Variants in KANSL3 observed in about 807,000 individuals in gnomAD.
KANSL3 encodes the protein NSL complex protein NSL3.
Under a neutral mutation model 89.2 loss-of-function variants are expected in KANSL3, and 16 were observed. The ratio of observed to expected loss-of-function variants is 0.18; its 90% confidence interval spans 0.12 to 0.27. KANSL3 has a LOEUF of 0.27. Ranked by LOEUF, KANSL3 falls within the 10% of genes least tolerant of loss-of-function variation. The pLI is 1.00. For synonymous variants in KANSL3, 385 were observed against 419.7 expected (o/e 0.92, Z 1.01); for missense variants, 879 against 1,110.6 (o/e 0.79, Z 2.96).
intron 13 of KANSL3, 55 bp downstream of exon 13, chr2:96,608,809 C>T: frequency 2.0e-6 from 3 of 1,514,632 alleles, no homozygotes; most frequent in Non-Finnish European, 2.7e-6. Flanking sequence ...AATTAAGGAA[C>T]CAACTCTGTG....
chr2:96,619,248 G>C (rs1353940948), intron 5 of KANSL3, 111 bp downstream of exon 5: 2 of 896,920 alleles, frequency 2.2e-6, no homozygotes, highest in Non-Finnish European at 1.6e-6. Flanking sequence ...CATTAGTTTT[G>C]GCCATGCACT....
intron 20 of KANSL3, among the ~76,000 whole-genome samples, chr2:96,596,687 G>T (rs368874266): frequency 6.6e-6 from 1 of 152,224 alleles, no homozygotes; most frequent in African/African-American, 2.4e-5. Context: ...CCCAAAGGCA[G>T]GGCTGTACAC....
At chr2:96,612,794 A>G in intron 7 of KANSL3, 24 bp downstream of exon 7, 1 of 1,501,426 alleles carries the variant, frequency 6.7e-7, no homozygotes, top group Non-Finnish European at 9.1e-7. Context: ...GCCAGGAAGG[A>G]GTTCCTCTTG....
downstream of KANSL3, among the ~76,000 whole-genome samples, chr2:96,589,919 C>T (rs886297449): frequency 6.6e-5 from 10 of 151,362 alleles, no homozygotes; most frequent in Non-Finnish European, 1.5e-4. Context: ...GAGGCTGAGG[C>T]GGGTGGATTA....
At chr2:96,595,773 G>T in intron 20 of KANSL3, 142 bp from the exon 21 acceptor site, 1 of 960,098 alleles carries the variant, frequency 1.0e-6, no homozygotes, top group Non-Finnish European at 1.6e-6. Flanking sequence ...GGATACACAA[G>T]GACACATGTT....
intron 5 of KANSL3, among the ~76,000 whole-genome samples, chr2:96,617,938 G>A (rs1304171351): frequency 6.7e-6 from 1 of 149,890 alleles, no homozygotes; most frequent in Non-Finnish European, 1.5e-5. Flanking sequence ...AGCCGAGATC[G>A]TGCCACTGCA....
At chr2:96,606,336 T>C (rs1037861606) in intron 14 of KANSL3, 3 of 152,644 alleles carry the variant, frequency 2.0e-5, no homozygotes, top group African/African-American at 7.2e-5. Flanking sequence ...TTTTGGACTC[T>C]TAGGTTATCT....
intron 3 of KANSL3, chr2:96,627,842 T>C (rs2072654639): frequency 1.5e-5 from 17 of 1,127,086 alleles, no homozygotes; most frequent in Non-Finnish European, 2.0e-5. Flanking sequence ...AGGGACAGGG[T>C]CATAAAATGG....
Position 96,637,126 on chromosome 2 carries a change from G to A in KANSL3, c.10C>T (p.Arg4Trp), listed in dbSNP as rs1168448660. 3.2e-6 allele frequency: 5 copies of A among 1,550,924 alleles called. No homozygotes were observed. The highest frequency in any genetic ancestry group is 2.0e-5 in the Admixed American group (1 of 50,944). The stretch of plus-strand genomic sequence containing the variant: ...GTCTGGAAGTCCCTCTCCCCACCCC[G>A]GTGGGCCATGTCAGTGGAGGGGCAG... MAH[R>W]GGERDFQTSA... Residue 4 changes from arginine (R) to tryptophan (W), a missense_variant, in exon 2 of 21, where the codon CGG (arginine) becomes TGG (tryptophan). Physicochemically the swap from Arg to Trp is moderately radical, Grantham distance 101. Transcript: ENST00000431828.
At chr2:96,627,237 C>T (rs1438952734) in intron 3 of KANSL3, among the ~76,000 whole-genome samples, 3 of 150,748 alleles carry the variant, frequency 2.0e-5, no homozygotes, top group Non-Finnish European at 3.0e-5. Flanking sequence ...TTTTTTGAGA[C>T]GGAGTCTTGC....
chr2:96,605,275 C>A (rs766177335), intron 15 of KANSL3, 45 bp downstream of exon 15: 5 of 1,537,172 alleles, frequency 3.3e-6, no homozygotes, highest in Non-Finnish European at 4.4e-6. Flanking sequence ...ATGCTGTGTA[C>A]CTGAGAGAGC....
chr2:96,599,961 T>C (rs1212197007), intron 20 of KANSL3, among the ~76,000 whole-genome samples: 1 of 152,192 alleles, frequency 6.6e-6, no homozygotes, highest in African/African-American at 2.4e-5. Context: ...CCTCTACTTA[T>C]TCTCTGGCCT....
the KANSL3 span, among the ~76,000 whole-genome samples, chr2:96,581,018 C>G: frequency 6.6e-6 from 1 of 152,386 alleles, no homozygotes; most frequent in Non-Finnish European, 1.5e-5. Flanking sequence ...CAACCAGCGG[C>G]TGTGCAGCCC....
downstream of KANSL3, among the ~76,000 whole-genome samples, chr2:96,591,062 A>C (rs1204049693): frequency 6.6e-6 from 1 of 152,244 alleles, no homozygotes; most frequent in Non-Finnish European, 1.5e-5. Context: ...CTTTATCTGT[A>C]ATAGCCCCCA....
At chr2:96,609,465 C>A (rs1225642734) in intron 12 of KANSL3, 34 bp downstream of exon 12, 7 of 1,602,620 alleles carry the variant, frequency 4.4e-6, no homozygotes, top group Non-Finnish European at 6.0e-6. Context: ...AAAGGCAAGC[C>A]TAGCTGAGAA....
chr2:96,604,907 G>A, intron 15 of KANSL3, 44 bp from the exon 16 acceptor site: 1 of 1,498,754 alleles, frequency 6.7e-7, no homozygotes, highest in African/African-American at 1.4e-5. Flanking sequence ...GTCCTATTTG[G>A]CCTCTATGTT....
chr2:96,591,511 G>A (rs1453677889), downstream of KANSL3, among the ~76,000 whole-genome samples: 1 of 152,136 alleles, frequency 6.6e-6, no homozygotes, highest in Non-Finnish European at 1.5e-5. Context: ...GTAAGTACTG[G>A]GGAAACTTGG....
At position 96,593,422 on chromosome 2, in the gene KANSL3, G is replaced by A; in HGVS notation, c.*2189C>T. 1 of 413,532 alleles carries A rather than the reference G, an allele frequency of 2.4e-6. No individual in the cohort carries two copies. The highest frequency in any genetic ancestry group is 7.2e-5 in the East Asian group (1 of 13,892). 25.6% of individuals were successfully genotyped at this position (413,532 alleles called of 1,614,324 possible). Reference sequence around the variant, plus strand: ...CAATAATATTGCCTTCTGAGGTTATGGATTCCAGGTCTTCTATGAAATAGG... The same window carrying A: ...CAATAATATTGCCTTCTGAGGTTATAGATTCCAGGTCTTCTATGAAATAGG... On this transcript the variant is annotated 3_prime_UTR_variant, in exon 21 of 21. Transcript: ENST00000431828.
Position 96,613,480 on chromosome 2 carries a change from C to T in KANSL3, c.795+8G>A. On this transcript the variant is annotated splice_region_variant and intron_variant, in intron 6 of 20. Coordinates refer to ENST00000431828, the MANE Select transcript of KANSL3 (RefSeq NM_001115016.3). ...TACCATTGTTAAGTCCTGAGCCATCCAACTTACTGGTTTGTTATGAGAAAG... is the reference window on the plus strand; with the variant it reads ...TACCATTGTTAAGTCCTGAGCCATCTAACTTACTGGTTTGTTATGAGAAAG... 1 of 1,612,432 alleles carries T rather than the reference C, an allele frequency of 6.2e-7. No homozygotes were observed. The highest frequency in any genetic ancestry group is 8.5e-7 in the Non-Finnish European group (1 of 1,179,006).
Sources: gnomAD v4.1 joint callset for allele counts (sites outside exome capture counted in the v4.1 genomes callset) on GRCh38, gnomAD v4.1.1 for gene constraint, MANE v1.5 for transcripts, NCBI Gene and HGNC (gene_info 2026-07-23, HGNC 2026-07-21) for gene names.